Variants in CES1 observed in about 807,000 individuals in gnomAD.
CES1 encodes liver carboxylesterase 1.
CES1 carries 50 observed loss-of-function variants against 53.0 expected under a neutral mutation model. The ratio of observed to expected loss-of-function variants is 0.94; its 90% confidence interval spans 0.75 to 1.19. CES1 has a LOEUF of 1.19. CES1 is among the 50% of genes most tolerant of loss of function. CES1 has a pLI of 0.00. For synonymous variants in CES1, 202 were observed against 210.1 expected, an observed-to-expected ratio of 0.96 and a Z score of 0.33; for missense variants, 534 against 538.0, an observed-to-expected ratio of 0.99 and a Z score of 0.07.
chr16:55,811,339 C>G (rs1412001085), intron 9 of CES1, among the ~76,000 whole-genome samples: 3 of 151,916 alleles, frequency 2.0e-5, no homozygotes, highest in Non-Finnish European at 2.9e-5. Context: ...CATGGAGATG[C>G]AAGGTGTCTG....
At chr16:55,810,725 C>A (rs1489833134) in intron 10 of CES1, 61 bp from the exon 11 acceptor site, 2 of 1,593,338 alleles carry the variant, frequency 1.3e-6, no homozygotes, top group Middle Eastern at 1.7e-4. Context: ...CTCCAGCCCA[C>A]CAGAAAGTCC....
intron 3 of CES1, among the ~76,000 whole-genome samples, chr16:55,824,850 C>A (rs2032354749): frequency 6.6e-6 from 1 of 152,340 alleles, no homozygotes; most frequent in East Asian, 1.9e-4. Context: ...AAAAGCAGAA[C>A]CAGGATTTAA....
intron 8 of CES1, among the ~76,000 whole-genome samples, chr16:55,814,639 T>G (rs1330348343): frequency 6.6e-6 from 1 of 152,220 alleles, no homozygotes; most frequent in East Asian, 1.9e-4. Context: ...GTCCCTCTCA[T>G]AGACACCAGT....
intron 8 of CES1, among the ~76,000 whole-genome samples, chr16:55,816,117 G>A (rs1445622841): frequency 6.6e-6 from 1 of 152,274 alleles, no homozygotes; most frequent in African/African-American, 2.4e-5. Context: ...CCCTGATCCT[G>A]CTACTTAAAT....
At chr16:55,832,454 C>T (rs1471950108) in intron 1 of CES1, among the ~76,000 whole-genome samples, 1 of 152,206 alleles carries the variant, frequency 6.6e-6, no homozygotes, top group Non-Finnish European at 1.5e-5. Flanking sequence ...ACATACCAGG[C>T]GCTGCCAAGA....
chr16:55,831,230 C>G (rs1249807762), intron 1 of CES1, among the ~76,000 whole-genome samples: 1 of 152,146 alleles, frequency 6.6e-6, no homozygotes, highest in Non-Finnish European at 1.5e-5. Context: ...GGAGAGAGAA[C>G]GTTCCCATGT....
At position 55,817,086 on chromosome 16, in the gene CES1, G is replaced by A. The variant is rs1166942475; in HGVS notation, c.907-124C>T. 5.0e-6 allele frequency: 5 copies of A among 1,003,130 alleles called. No individual in the cohort carries two copies. In the African/African-American group the frequency reaches 8.1e-5, roughly 16 times the overall value. The allele number at this position is 1,003,130 out of a possible 1,614,324, so 62.1% of individuals were successfully genotyped here. On this transcript the variant is annotated intron_variant, in intron 7 of 13. Coordinates refer to ENST00000360526, the MANE Select transcript of CES1 (RefSeq NM_001025195.2). ...ACTCCGTGAATTCGTATATCTATATGTGACCTGCGGTGCTCCATCTCCCTG... is the reference window on the plus strand; with the variant it reads ...ACTCCGTGAATTCGTATATCTATATATGACCTGCGGTGCTCCATCTCCCTG...
chr16:55,831,038 C>A (rs1356564301), intron 1 of CES1, among the ~76,000 whole-genome samples: 1 of 152,076 alleles, frequency 6.6e-6, no homozygotes, highest in East Asian at 1.9e-4. Context: ...GATGAGCGCA[C>A]TTCAAAGCTG....
intron 11 of CES1, 73 bp downstream of exon 11, chr16:55,810,444 G>T: frequency 6.3e-7 from 1 of 1,582,832 alleles, no homozygotes; most frequent in Non-Finnish European, 8.7e-7. Flanking sequence ...GTCTGTCTAT[G>T]CTGGGAGGTA....
At chr16:55,828,451 T>G (rs1180068369) in intron 2 of CES1, among the ~76,000 whole-genome samples, 1 of 152,220 alleles carries the variant, frequency 6.6e-6, no homozygotes, top group Non-Finnish European at 1.5e-5. Flanking sequence ...TCATATCACA[T>G]AATCCACGGA....
intron 2 of CES1, among the ~76,000 whole-genome samples, chr16:55,828,555 A>G (rs2032505601): frequency 6.6e-6 from 1 of 152,192 alleles, no homozygotes; most frequent in Admixed American, 6.5e-5. Context: ...GGATCCCAAG[A>G]ACCCAGAACA....
chr16:55,822,669 C>T (rs1289927157), intron 4 of CES1, among the ~76,000 whole-genome samples: 1 of 151,972 alleles, frequency 6.6e-6, no homozygotes, highest in African/African-American at 2.4e-5. Flanking sequence ...CTGGCTGCTC[C>T]CTGGGATCAC....
chr16:55,829,742 A>G lies in CES1; in HGVS notation c.53-768T>C, dbSNP rs565869029. Among the ~76,000 whole-genome samples, 13 of 152,290 alleles carry G rather than the reference A, an allele frequency of 8.5e-5. No homozygotes were observed. In the South Asian group the frequency reaches 2.7e-3, roughly 32 times the overall value. On this transcript the variant is annotated intron_variant, in intron 1 of 13. Coordinates refer to ENST00000360526, the MANE Select transcript of CES1 (RefSeq NM_001025195.2). ...TAAGCGCTTGAGTTTTCTTTAATGG[A>G]CAAATAAGCAGCAGGAACCGTTCCA... is the stretch of plus-strand genomic sequence containing the variant.
intron 2 of CES1, chr16:55,828,158 G>A (rs1295061112): frequency 5.6e-6 from 1 of 177,646 alleles, no homozygotes; most frequent in East Asian, 1.3e-4. Flanking sequence ...TCCTACCCTG[G>A]GGAGTGATGG....
rs1206498479 is a variant in CES1 at position 55,833,011 on chromosome 16, C to T, written c.45G>A (p.Ala15=). Residue 15 remains alanine (A), a synonymous_variant, in exon 1 of 14, where the codon GCG becomes GCA. Transcript: ENST00000360526. The part of the protein sequence containing the change: ...AFILATLSAS[A]AWAGHPSSPP... Reference sequence around the variant, plus strand: ...GATTTCAGAAGGACTCACCCCAAGCCGCGGAAGCAGAGAGAGTGGCCAGGA... The same window carrying T: ...GATTTCAGAAGGACTCACCCCAAGCTGCGGAAGCAGAGAGAGTGGCCAGGA... The T allele has an allele frequency of 1.9e-6, 3 of 1,559,076 alleles. No homozygotes were observed. Among genetic ancestry groups the T allele is most frequent in the East Asian group, 2.4e-5 (1 of 42,136 alleles).
chr16:55,828,906 A>C lies in CES1; in HGVS notation c.121T>G (p.Leu41Val). Residue 41 changes from leucine to valine, a missense_variant, in exon 2 of 14, where the codon TTA becomes GTA. This residue lies in a region of CES1 where 164 missense variants were observed against 162.4 expected (regional missense o/e 1.01). Transcript: ENST00000360526. ...HGKVLGKFVS[L>V]EGFAQPVAIF... ...GCCACAGGCTGTGCAAATCCTTCTA[A>C]GCTGACGAACTTCCCCAGCACTTTG... 1 of 1,614,182 alleles carries C rather than the reference A, an allele frequency of 6.2e-7. No homozygotes were observed. The highest frequency in any genetic ancestry group is 8.5e-7 in the Non-Finnish European group (1 of 1,180,026).
rs1239637259 is a variant in CES1, at chr16:55,821,499, C to T, written c.562G>A (p.Gly188Arg). The T allele has an allele frequency of 6.2e-7, 1 of 1,614,186 alleles. No homozygotes were observed. The highest frequency in any genetic ancestry group is 8.5e-7 in the Non-Finnish European group (1 of 1,180,038). The stretch of plus-strand genomic sequence containing the variant: ...ACCTGGTCCAGGTGACCCCAGTTCC[C>T]CCGGCTGTGTTCATCCCCTGTGCTG... ...FFSTGDEHSR[G>R]NWGHLDQVAA... Residue 188 changes from glycine (G) to arginine (R), a missense_variant, in exon 5 of 14, where the codon GGG (glycine) becomes AGG (arginine). Transcript: ENST00000360526.
At chr16:55,812,758 T>C (rs1377905133) in intron 9 of CES1, 145 bp downstream of exon 9, 2 of 1,203,190 alleles carry the variant, frequency 1.7e-6, no homozygotes, top group Non-Finnish European at 2.4e-6. Context: ...CTGGAGAAGA[T>C]TTCCGTGGAA....
intron 2 of CES1, among the ~76,000 whole-genome samples, chr16:55,827,239 G>A (rs2032453334): frequency 6.7e-6 from 1 of 149,172 alleles, no homozygotes; most frequent in Non-Finnish European, 1.5e-5. Flanking sequence ...TTCCATCCTG[G>A]GAAATTTTCC....
Sources: gnomAD v4.1 joint callset for allele counts (sites outside exome capture counted in the v4.1 genomes callset) on GRCh38, gnomAD v4.1.1 for gene constraint, gnomAD v4.1.1 regional missense constraint, MANE v1.5 for transcripts, NCBI Gene and HGNC (gene_info 2026-07-23, HGNC 2026-07-21) for gene names.